GRIN2B: variants seen among roughly 807,000 people sequenced by gnomAD.
GRIN2B encodes glutamate ionotropic receptor NMDA type subunit 2B, also known as glutamate receptor ionotropic, NMDA 2B.
A neutral mutation model predicts 114.5 loss-of-function variants in GRIN2B; 5 were observed. The observed-to-expected ratio is 0.04, with a 90% CI of 0.02 to 0.09. The LOEUF (loss-of-function observed/expected upper bound fraction) is 0.09, where lower values mean the gene tolerates loss of function less well. Among genes scored for constraint, GRIN2B ranks in the 10% least tolerant of loss-of-function variants. GRIN2B has a pLI of 1.00. For missense variants in GRIN2B, 1,108 were observed against 1,943.5 expected, an observed-to-expected ratio of 0.57 and a Z score of 8.08; for synonymous variants, 787 against 745.1, an observed-to-expected ratio of 1.06 and a Z score of -0.92.
chr12:13,789,668 G>A (rs1864284682), intron 3 of GRIN2B, among the ~76,000 whole-genome samples: 1 of 152,150 alleles, frequency 6.6e-6, no homozygotes, highest in Non-Finnish European at 1.5e-5. Context: ...AAGCGATTCA[G>A]GGCTATGCAT....
intron 2 of GRIN2B, among the ~76,000 whole-genome samples, chr12:13,912,881 G>A (rs142173797): frequency 2.5e-4 from 38 of 152,116 alleles, no homozygotes; most frequent in African/African-American, 8.4e-4. Context: ...AAAATCCCTG[G>A]GTCCCCCCTC....
intron 3 of GRIN2B, among the ~76,000 whole-genome samples, chr12:13,784,620 T>C (rs1233809276): frequency 2.0e-5 from 3 of 152,168 alleles, no homozygotes; most frequent in Non-Finnish European, 4.4e-5. Context: ...TATGATGTGA[T>C]AGAAGTGTCA....
At chr12:13,589,733 T>C (rs908029156) in intron 10 of GRIN2B, among the ~76,000 whole-genome samples, 5 of 152,156 alleles carry the variant, frequency 3.3e-5, no homozygotes, top group Admixed American at 2.0e-4. Context: ...CATTAATAGC[T>C]AGTATGCTTT....
In GRIN2B at chr12:13,564,331, C is replaced by A. The variant is rs199536073; in HGVS notation, c.2907G>T (p.Thr969=). 3.1e-6 allele frequency: 5 copies of A among 1,614,202 alleles called. No homozygotes were observed. The highest frequency in any genetic ancestry group is 2.5e-6 in the Non-Finnish European group (3 of 1,180,040). ...FSDYISEVER[T]FGNLQLKDSN... Reference sequence around the variant, plus strand: ...TGTCCTTCAGCTGCAGGTTCCCGAACGTTCTCTCTACCTCACTGATGTAGT... The same window carrying A: ...TGTCCTTCAGCTGCAGGTTCCCGAAAGTTCTCTCTACCTCACTGATGTAGT... Residue 969 remains threonine (T), a synonymous_variant, in exon 14 of 14, where the codon ACG becomes ACT. Coordinates refer to ENST00000609686, the MANE Select transcript of GRIN2B (RefSeq NM_000834.5). This position sits in a 1 kb window ranked among gnomAD's most constrained non-coding sequence, Gnocchi z 4.8.
intron 10 of GRIN2B, among the ~76,000 whole-genome samples, chr12:13,596,720 G>T (rs1949078292): frequency 6.6e-6 from 1 of 152,174 alleles, no homozygotes; most frequent in Admixed American, 6.5e-5. Flanking sequence ...TCTTAAATGT[G>T]CAAGGGGCTG....
intron 2 of GRIN2B, among the ~76,000 whole-genome samples, chr12:13,909,078 C>T (rs989005649): frequency 6.6e-6 from 1 of 152,162 alleles, no homozygotes; most frequent in Non-Finnish European, 1.5e-5. Context: ...CATGAATATA[C>T]TTTCTTCTCT....
intron 4 of GRIN2B, among the ~76,000 whole-genome samples, chr12:13,726,330 T>A (rs1310824633): frequency 6.6e-6 from 1 of 151,612 alleles, no homozygotes; most frequent in Non-Finnish European, 1.5e-5. Context: ...AGGCCAGGAG[T>A]TTGAGACCAG....
chr12:13,871,070 A>G (rs532654124), intron 2 of GRIN2B, among the ~76,000 whole-genome samples: 21 of 152,320 alleles, frequency 1.4e-4, no homozygotes, highest in Non-Finnish European at 2.5e-4. Context: ...CTTTTCATGT[A>G]TAAGGCAACA....
Position 13,562,751 on chromosome 12 carries a change from C to G in GRIN2B, c.*32G>C. On this transcript the variant is annotated 3_prime_UTR_variant, in exon 14 of 14. Transcript: ENST00000609686. ...TCACGCGACCCACAGCCTTACCCTC[C>G]CGTACCCACCTTAACCTCTCTGTTC... 1 of 1,586,838 alleles carries G rather than the reference C, an allele frequency of 6.3e-7. No individual in the cohort carries two copies. Among genetic ancestry groups the G allele is most frequent in the African/African-American group, 1.3e-5 (1 of 74,498 alleles).
At chr12:13,812,627 T>C (rs968895177) in intron 3 of GRIN2B, among the ~76,000 whole-genome samples, 3 of 152,142 alleles carry the variant, frequency 2.0e-5, no homozygotes, top group African/African-American at 7.2e-5. Context: ...AAGAATTCTG[T>C]TTTTTTAATC....
chr12:13,749,301 C>T lies in GRIN2B; in HGVS notation c.1010+4016G>A, dbSNP rs564876740. On this transcript the variant is annotated intron_variant, in intron 4 of 13. Coordinates refer to ENST00000609686, the MANE Select transcript of GRIN2B (RefSeq NM_000834.5). ...AGTGTAGACTTAGGAACTTTCCCCA[C>T]GTGGAAAGAAAGCTGTAATCTGGAT... 1.3e-4 allele frequency among the ~76,000 whole-genome samples: 20 copies of T among 152,314 alleles called. 1 individual carries two copies. In the South Asian group the frequency reaches 2.1e-3, roughly 16 times the overall value.
intron 3 of GRIN2B, among the ~76,000 whole-genome samples, chr12:13,763,489 G>A (rs1295725243): frequency 6.6e-6 from 1 of 152,210 alleles, no homozygotes; most frequent in Non-Finnish European, 1.5e-5. Flanking sequence ...CGGTCCATGA[G>A]AAGCTGCCTA....
At chr12:13,675,631 C>A in intron 5 of GRIN2B, 114 bp downstream of exon 5, 1 of 751,568 alleles carries the variant, frequency 1.3e-6, no homozygotes, top group Non-Finnish European at 2.5e-6. Flanking sequence ...AGGTATTGAT[C>A]CCTTGCTCCA....
chr12:13,696,243 G>A (rs1481288997), intron 4 of GRIN2B, among the ~76,000 whole-genome samples: 2 of 152,178 alleles, frequency 1.3e-5, no homozygotes, highest in African/African-American at 4.8e-5. Context: ...ACAGAATGAT[G>A]TGAGGGAAAC....
chr12:13,675,966 A>G (rs1275671474), intron 4 of GRIN2B, 107 bp from the exon 5 acceptor site: 1 of 709,768 alleles, frequency 1.4e-6, no homozygotes, highest in African/African-American at 1.7e-5. Context: ...ACAAGTAAAT[A>G]GAAATACAGA....
intron 2 of GRIN2B, among the ~76,000 whole-genome samples, chr12:13,921,186 C>A (rs1023019585): frequency 6.6e-6 from 1 of 152,122 alleles, no homozygotes; most frequent in African/African-American, 2.4e-5. Flanking sequence ...AATTTGAGGC[C>A]AGGAGTTCAA....
chr12:13,757,726 C>A (rs73300365), intron 3 of GRIN2B, among the ~76,000 whole-genome samples: 2 of 152,032 alleles, frequency 1.3e-5, no homozygotes, highest in African/African-American at 4.8e-5. Flanking sequence ...GATGAATAAG[C>A]AGCACAGGGA....
At chr12:13,874,319 T>A (rs535404793) in intron 2 of GRIN2B, among the ~76,000 whole-genome samples, 1 of 152,220 alleles carries the variant, frequency 6.6e-6, no homozygotes, top group Admixed American at 6.5e-5. Context: ...AGCAGAAGTA[T>A]CACTTCTACT....
chr12:13,766,106 A>G (rs889577170), intron 3 of GRIN2B, among the ~76,000 whole-genome samples: 1 of 152,336 alleles, frequency 6.6e-6, no homozygotes, highest in Middle Eastern at 3.4e-3. Context: ...TCTACTGGAC[A>G]TGCATACAAC....
Sources: allele counts gnomAD v4.1 joint callset (sites outside exome capture counted in the v4.1 genomes callset), GRCh38; gene constraint gnomAD v4.1.1; non-coding constraint Gnocchi (gnomAD v3.1); transcripts MANE v1.5; gene names NCBI Gene and HGNC (gene_info 2026-07-23, HGNC 2026-07-21).